CIMAP2: variants seen among roughly 807,000 people sequenced by gnomAD.
CIMAP2 encodes ciliary microtubule associated protein 2, also known as ciliary microtubule-associated protein 2.
chr1:54,811,789 C>CCCCCA, the CIMAP2 span: 1 of 1,588,828 alleles, frequency 6.3e-7, no homozygotes, highest in Admixed American at 1.7e-5. Context: ...ACCCCCGCCC[C>CCCCCA]ACAGAACTAC....
At chr1:54,811,765 G>GCCGGGGGGGGGGGGGGGGGGGCCGCC in the CIMAP2 span, 1 of 1,301,332 alleles carries the variant, frequency 7.7e-7, no homozygotes, top group Non-Finnish European at 1.1e-6. Context: ...GGTTCTGACA[G>GCCGGGGGGGGGGGGGGGGGGGCCGCC]CCTCCATGCC....
chr1:54,835,444 C>T, the CIMAP2 span, among the ~76,000 whole-genome samples: 1 of 152,116 alleles, frequency 6.6e-6, no homozygotes, highest in Non-Finnish European at 1.5e-5. Context: ...CCGCCTCGGC[C>T]TCCCAAAGTC....
the CIMAP2 span, among the ~76,000 whole-genome samples, chr1:54,820,012 CCTTCT>C: frequency 2.8e-5 from 3 of 108,552 alleles, no homozygotes; most frequent in Admixed American, 2.1e-4. Context: ...CCTCTCTTTT[CCTTCT>C]TTCCTTCCTT....
the CIMAP2 span, chr1:54,813,682 GGCCTCC>G: frequency 1.9e-5 from 20 of 1,046,166 alleles, no homozygotes; most frequent in Non-Finnish European, 2.5e-5. Context: ...CCCGGCCTCC[GGCCTCC>G]GGGATGTCTG....
chr1:54,824,352 C>T, the CIMAP2 span, among the ~76,000 whole-genome samples: 1 of 151,374 alleles, frequency 6.6e-6, no homozygotes, highest in African/African-American at 2.4e-5. Flanking sequence ...GACAGTTTGA[C>T]TGTAATGTAT....
the CIMAP2 span, among the ~76,000 whole-genome samples, chr1:54,830,064 T>C: frequency 5.9e-5 from 9 of 152,240 alleles, no homozygotes; most frequent in South Asian, 1.9e-3. The surrounding 1 kb of genome is among the most constrained non-coding windows in gnomAD (Gnocchi z 4.1). Context: ...TTTCACTGGG[T>C]GAACTCCCAA....
the CIMAP2 span, among the ~76,000 whole-genome samples, chr1:54,836,602 G>T: frequency 6.6e-6 from 1 of 151,450 alleles, no homozygotes; most frequent in East Asian, 1.9e-4. Flanking sequence ...AACACAGAAG[G>T]TCTCAGGCAA....
the CIMAP2 span, among the ~76,000 whole-genome samples, chr1:54,820,657 GT>G: frequency 2.6e-5 from 4 of 152,138 alleles, no homozygotes; most frequent in East Asian, 7.7e-4. Context: ...CTCAATTGGG[GT>G]TTTGATTTGC....
At chr1:54,827,297 G>A in the CIMAP2 span, among the ~76,000 whole-genome samples, 1 of 152,320 alleles carries the variant, frequency 6.6e-6, no homozygotes, top group East Asian at 1.9e-4. Context: ...GCTAGGGCAA[G>A]TACCATGCCC....
chr1:54,807,008 T>G, the CIMAP2 span: 2 of 1,613,850 alleles, frequency 1.2e-6, no homozygotes, highest in Non-Finnish European at 1.7e-6. Flanking sequence ...TTGACATCTC[T>G]GCTGTTTATC....
At chr1:54,824,003 G>A in the CIMAP2 span, among the ~76,000 whole-genome samples, 1 of 151,760 alleles carries the variant, frequency 6.6e-6, no homozygotes, top group Admixed American at 6.6e-5. Context: ...TGCTCTCCTG[G>A]CTTGTAAGGT....
the CIMAP2 span, among the ~76,000 whole-genome samples, chr1:54,830,667 A>C: frequency 2.6e-5 from 4 of 152,354 alleles, no homozygotes; most frequent in African/African-American, 7.2e-5. This position sits in a 1 kb window ranked among gnomAD's most constrained non-coding sequence, Gnocchi z 4.1. Context: ...AGTGGGGGAG[A>C]GAAACTGATA....
At chr1:54,830,752 G>A in the CIMAP2 span, among the ~76,000 whole-genome samples, 86 of 152,232 alleles carry the variant, frequency 5.6e-4, 1 homozygote, top group African/African-American at 1.9e-3. The surrounding 1 kb of genome is among the most constrained non-coding windows in gnomAD (Gnocchi z 4.1). Flanking sequence ...CACTTCCAGC[G>A]GTACCTAGTG....
At chr1:54,820,204 C>T in the CIMAP2 span, among the ~76,000 whole-genome samples, 1 of 145,578 alleles carries the variant, frequency 6.9e-6, no homozygotes, top group African/African-American at 2.5e-5. Context: ...CTCTTCTTTT[C>T]TTTTCCTGTT....
At chr1:54,841,966 T>G in the CIMAP2 span, 5 of 1,336,920 alleles carry the variant, frequency 3.7e-6, no homozygotes, top group Non-Finnish European at 4.2e-6. Context: ...GAGTGGGGTG[T>G]CTTAGAGAAA....
the CIMAP2 span, chr1:54,812,155 G>A: frequency 1.9e-6 from 3 of 1,614,218 alleles, no homozygotes; most frequent in Non-Finnish European, 1.7e-6. Flanking sequence ...GGTGATCGGA[G>A]CAAGCCACTG....
chr1:54,841,873 A>G, the CIMAP2 span: 1 of 1,551,598 alleles, frequency 6.4e-7, no homozygotes, highest in East Asian at 2.4e-5. Context: ...CTACTCCTTA[A>G]AGCCACATGC....
At chr1:54,832,946 G>C in the CIMAP2 span, among the ~76,000 whole-genome samples, 1 of 152,068 alleles carries the variant, frequency 6.6e-6, no homozygotes, top group African/African-American at 2.4e-5. Flanking sequence ...AGGATTGCTT[G>C]AGCCTAGGAG....
the CIMAP2 span, among the ~76,000 whole-genome samples, chr1:54,823,783 G>A: frequency 1.3e-5 from 2 of 152,250 alleles, no homozygotes; most frequent in East Asian, 1.9e-4. Context: ...TGTAGATGTC[G>A]CTCTTTCCCT....
Sources: allele counts gnomAD v4.1 joint callset (sites outside exome capture counted in the v4.1 genomes callset), GRCh38; gene constraint gnomAD v4.1.1; non-coding constraint Gnocchi (gnomAD v3.1); transcripts MANE v1.5; gene names NCBI Gene and HGNC (gene_info 2026-07-23, HGNC 2026-07-21).